The following FNDC3B variants were observed in gnomAD, a reference collection of about 807,000 sequenced individuals.
FNDC3B encodes the protein fibronectin type III domain containing 3B, also known as fibronectin type III domain-containing protein 3B.
In FNDC3B, 12 loss-of-function variants were observed where a neutral mutation model predicts 151.5. The ratio of observed to expected loss-of-function variants is 0.08; its 90% CI spans 0.05 to 0.13. The LOEUF (loss-of-function observed/expected upper bound fraction) is 0.13. Ranked by LOEUF, FNDC3B falls within the 10% of genes least tolerant of loss-of-function variation. The probability of loss-of-function intolerance (pLI) is 1.00; values close to 1 mark genes in which losing one functional copy is unlikely to be tolerated. For synonymous variants in FNDC3B, 528 were observed against 549.0 expected, an observed-to-expected ratio of 0.96 and a Z score of 0.54; for missense variants, 1,214 against 1,505.3, an observed-to-expected ratio of 0.81 and a Z score of 3.20.
intron 15 of FNDC3B, chr3:172,335,543 G>A (rs749766485): frequency 6.6e-6 from 1 of 152,170 alleles, no homozygotes; most frequent in Non-Finnish European, 1.5e-5. Flanking sequence ...GTAAACTTTA[G>A]CATACAGAAC....
intron 1 of FNDC3B, among the ~76,000 whole-genome samples, chr3:172,064,496 ACTTGT>A (rs1717390791): frequency 6.6e-6 from 1 of 152,212 alleles, no homozygotes; most frequent in South Asian, 2.1e-4. Context: ...ACTCTTTTTA[ACTTGT>A]CTTTGTAAGA....
chr3:172,122,282 CT>C (rs58869685), intron 2 of FNDC3B, among the ~76,000 whole-genome samples: 97,895 of 150,574 alleles, frequency 0.65, 32,137 homozygotes, highest in East Asian at 0.76. Context: ...CATTCTCGTT[CT>C]TTTTTTTTTT....
intron 21 of FNDC3B, among the ~76,000 whole-genome samples, chr3:172,348,186 T>C (rs559889732): frequency 6.6e-6 from 1 of 152,346 alleles, no homozygotes; most frequent in South Asian, 2.1e-4. Flanking sequence ...TAGATTTGAA[T>C]AGATAAAGAA....
chr3:172,153,670 A>G (rs187620233), intron 3 of FNDC3B, among the ~76,000 whole-genome samples: 1 of 152,240 alleles, frequency 6.6e-6, no homozygotes, highest in Non-Finnish European at 1.5e-5. Flanking sequence ...GAAGAAAAAC[A>G]GGAGTGAAGA....
chr3:172,286,189 C>T (rs1730007508), intron 7 of FNDC3B, among the ~76,000 whole-genome samples: 1 of 152,124 alleles, frequency 6.6e-6, no homozygotes, highest in Non-Finnish European at 1.5e-5. Context: ...TCGTAATCTA[C>T]TGAAATGTCT....
intron 18 of FNDC3B, among the ~76,000 whole-genome samples, chr3:172,343,610 G>A (rs1320601427): frequency 6.6e-6 from 1 of 152,158 alleles, no homozygotes; most frequent in Non-Finnish European, 1.5e-5. Context: ...TTCCTGTTGT[G>A]TCCAGCAGTT....
In FNDC3B at chr3:172,329,216, CAG is replaced by C; in HGVS notation, c.1379+143_1379+144del. 13 of 1,022,048 alleles carry C rather than the reference CAG, an allele frequency of 1.3e-5. No individual in the cohort carries two copies. The South Asian group carries it at 2.2e-4, about 17-fold the overall frequency. 63.3% of individuals were successfully genotyped at this position (1,022,048 alleles called of 1,614,324 possible). A position where few individuals can be genotyped will look rare whatever the true frequency, so the allele number is the denominator to read the frequency against. On this transcript the variant is annotated intron_variant, in intron 12 of 25. Transcript: ENST00000415807. ...AGGTTTTCCAAGAGGGAATCCTAAT[CAG>C]AGGAGAGAAGGCCTCCTTTAAGCTG...
At chr3:172,041,634 C>A (rs1456042997) in intron 1 of FNDC3B, among the ~76,000 whole-genome samples, 1 of 150,960 alleles carries the variant, frequency 6.6e-6, no homozygotes, top group Non-Finnish European at 1.5e-5. Context: ...TTTTTTGAGG[C>A]CTCAGGCCTT....
intron 1 of FNDC3B, among the ~76,000 whole-genome samples, chr3:172,101,636 A>G (rs1719384965): frequency 6.6e-6 from 1 of 152,200 alleles, no homozygotes. Flanking sequence ...AAATTAATAG[A>G]ATCTTGAAAC....
chr3:172,342,947 T>C (rs1255999111), intron 17 of FNDC3B, 64 bp from the exon 18 acceptor site: 13 of 984,030 alleles, frequency 1.3e-5, no homozygotes, highest in Non-Finnish European at 1.6e-5. Context: ...ATTTGCCTGA[T>C]ATGTAGAGGT....
chr3:172,364,879 G>C (rs1240105884), intron 23 of FNDC3B, among the ~76,000 whole-genome samples: 1 of 152,192 alleles, frequency 6.6e-6, no homozygotes, highest in African/African-American at 2.4e-5. Flanking sequence ...AGGAGCTAGA[G>C]TCCAAATTTA....
At chr3:172,362,515 C>T (rs1576947056) in intron 22 of FNDC3B, 118 bp from the exon 23 acceptor site, 1 of 785,122 alleles carries the variant, frequency 1.3e-6, no homozygotes, top group East Asian at 2.6e-5. Flanking sequence ...TGTTTTTCTT[C>T]ATTCTATGTT....
chr3:172,291,381 C>T (rs532040338), intron 7 of FNDC3B, among the ~76,000 whole-genome samples: 1 of 152,266 alleles, frequency 6.6e-6, no homozygotes, highest in East Asian at 1.9e-4. Context: ...CAGACTTACA[C>T]TAGTAACCTG....
Position 172,307,364 on chromosome 3 carries a change from G to T in FNDC3B, c.1063G>T (p.Val355Leu). 3 of 1,614,052 alleles carry T rather than the reference G, an allele frequency of 1.9e-6. No individual in the cohort carries two copies. Among genetic ancestry groups the T allele is most frequent in the African/African-American group, 1.3e-5 (1 of 75,004 alleles). The change falls in exon 10 of 26, where the codon GTG becomes TTG. Residue 355 changes from valine (V) to leucine (L), a missense_variant and splice_region_variant. By Grantham distance (32) the Val-to-Leu change is conservative. This residue lies in a region of FNDC3B where 156 missense variants were observed against 225.3 expected (regional missense o/e 0.69). Coordinates refer to ENST00000415807, the MANE Select transcript of FNDC3B (RefSeq NM_022763.4). ...TGACTGTGTCTGTTTTGTTTTCAGG[G>T]TGTATGCCATGTACAATTCCGTAAA... is the stretch of plus-strand genomic sequence containing the variant. ...LRPATDYHVRVYAMYNSVKGS... is the reference protein window; with the variant it reads ...LRPATDYHVRLYAMYNSVKGS...
chr3:172,189,512 A>T (rs1342097878), intron 3 of FNDC3B, among the ~76,000 whole-genome samples: 1 of 152,218 alleles, frequency 6.6e-6, no homozygotes, highest in Non-Finnish European at 1.5e-5. Flanking sequence ...AGTTCCAGAA[A>T]ACCAGTGCTT....
chr3:172,190,998 A>G (rs1470549519), intron 3 of FNDC3B, among the ~76,000 whole-genome samples: 1 of 152,220 alleles, frequency 6.6e-6, no homozygotes, highest in Admixed American at 6.5e-5. Flanking sequence ...ATGATGAAAT[A>G]TTGAAGAAAG....
intron 4 of FNDC3B, chr3:172,227,205 G>A (rs1019358596): frequency 6.0e-6 from 2 of 333,176 alleles, no homozygotes; most frequent in African/African-American, 4.2e-5. Flanking sequence ...TTGTTTGGTT[G>A]TGATTTCTTT....
chr3:172,107,861 A>G (rs1008066425), intron 1 of FNDC3B, among the ~76,000 whole-genome samples: 3 of 151,804 alleles, frequency 2.0e-5, no homozygotes, highest in African/African-American at 7.3e-5. Context: ...CTGAGACTGG[A>G]GGGAGTGTGG....
chr3:172,204,770 G>A (rs923890691), intron 3 of FNDC3B, among the ~76,000 whole-genome samples: 4 of 152,148 alleles, frequency 2.6e-5, no homozygotes, highest in African/African-American at 9.7e-5. Flanking sequence ...CATGAACTGC[G>A]GACAGAGCCC....
Sources: gnomAD v4.1 joint callset for allele counts (sites outside exome capture counted in the v4.1 genomes callset) on GRCh38, gnomAD v4.1.1 for gene constraint, gnomAD v4.1.1 regional missense constraint, MANE v1.5 for transcripts, NCBI Gene and HGNC (gene_info 2026-07-23, HGNC 2026-07-21) for gene names.